The following CTNNA2 variants were observed in gnomAD, a reference collection of about 807,000 sequenced individuals.
CTNNA2 encodes catenin alpha-2.
CTNNA2 carries 42 observed loss-of-function variants against 101.0 expected under a neutral mutation model. That is an observed-to-expected ratio of 0.42 (90% CI 0.32 to 0.54). The LOEUF is 0.54. CTNNA2 is among the 20% of genes least tolerant of loss of function. The probability of loss-of-function intolerance (pLI) is 0.14; values close to 1 mark genes in which losing one functional copy is unlikely to be tolerated. For missense variants in CTNNA2, 871 were observed against 1,223.1 expected (o/e 0.71, Z 4.29); for synonymous variants, 450 against 456.4 (o/e 0.99, Z 0.18).
At chr2:80,646,882 C>T (rs956322641) in intron 18 of CTNNA2, among the ~76,000 whole-genome samples, 13 of 152,000 alleles carry the variant, frequency 8.6e-5, no homozygotes, top group African/African-American at 2.4e-4. Context: ...CTCTCTCATT[C>T]TAAAAGGGCA....
chr2:80,611,242 GA>G (rs1698445563), intron 17 of CTNNA2, among the ~76,000 whole-genome samples: 1 of 150,982 alleles, frequency 6.6e-6, no homozygotes, highest in Admixed American at 6.6e-5. Context: ...ATGTTTGCTT[GA>G]ATTCTTAAGC....
intron 4 of CTNNA2, among the ~76,000 whole-genome samples, chr2:79,470,754 G>A (rs1426735221): frequency 6.6e-6 from 1 of 152,154 alleles, no homozygotes; most frequent in Non-Finnish European, 1.5e-5. Context: ...TAATTGAGTT[G>A]CAGATATTTC....
chr2:79,427,499 T>A (rs1428792028), intron 4 of CTNNA2, among the ~76,000 whole-genome samples: 2 of 152,086 alleles, frequency 1.3e-5, no homozygotes, highest in Non-Finnish European at 2.9e-5. Context: ...TCTACTCTAT[T>A]CATGTATTTA....
At chr2:80,321,753 G>A (rs1169316924) in intron 7 of CTNNA2, among the ~76,000 whole-genome samples, 1 of 152,170 alleles carries the variant, frequency 6.6e-6, no homozygotes, top group Non-Finnish European at 1.5e-5. Context: ...GGGCTCTGAT[G>A]AATGAGAAAT....
At chr2:80,173,404 T>C (rs1477707744) in intron 7 of CTNNA2, among the ~76,000 whole-genome samples, 1 of 152,172 alleles carries the variant, frequency 6.6e-6, no homozygotes, top group Non-Finnish European at 1.5e-5. Flanking sequence ...ACTGTATCAG[T>C]CAGAATCCAG....
intron 2 of CTNNA2, among the ~76,000 whole-genome samples, chr2:79,293,655 T>G (rs912419446): frequency 2.6e-5 from 4 of 152,186 alleles, no homozygotes; most frequent in Admixed American, 1.3e-4. Context: ...AGGCCATTCA[T>G]GTAAATTAAA....
At chr2:79,430,905 C>A (rs1400531052) in intron 4 of CTNNA2, among the ~76,000 whole-genome samples, 1 of 152,036 alleles carries the variant, frequency 6.6e-6, no homozygotes, top group Non-Finnish European at 1.5e-5. Flanking sequence ...CAGGTCTTTG[C>A]ATATTAAAAT....
At chr2:79,718,825 T>A (rs34381760) in intron 2 of CTNNA2, among the ~76,000 whole-genome samples, 1 of 120,402 alleles carries the variant, frequency 8.3e-6, no homozygotes, top group East Asian at 2.3e-4. Flanking sequence ...TTCCCACTTG[T>A]TTTTTTTTTT....
intron 7 of CTNNA2, among the ~76,000 whole-genome samples, chr2:79,950,576 G>T: frequency 6.6e-6 from 1 of 152,318 alleles, no homozygotes; most frequent in African/African-American, 2.4e-5. Flanking sequence ...AATGTTTACT[G>T]ACTGCTTGAT....
chr2:80,305,906 A>T (rs1344507600), intron 7 of CTNNA2, among the ~76,000 whole-genome samples: 1 of 152,200 alleles, frequency 6.6e-6, no homozygotes, highest in African/African-American at 2.4e-5. Context: ...CCACTGTTTG[A>T]ATTCCCATCG....
intron 7 of CTNNA2, among the ~76,000 whole-genome samples, chr2:80,350,981 C>T (rs1673233849): frequency 6.6e-6 from 1 of 152,190 alleles, no homozygotes; most frequent in African/African-American, 2.4e-5. Flanking sequence ...GCTAACACTT[C>T]AGATGACCTA....
chr2:79,412,113 G>A (rs1678419973), intron 4 of CTNNA2, among the ~76,000 whole-genome samples: 1 of 152,028 alleles, frequency 6.6e-6, no homozygotes, highest in South Asian at 2.1e-4. Context: ...TGATAAAACA[G>A]ACTTTAAACC....
intron 4 of CTNNA2, among the ~76,000 whole-genome samples, chr2:79,457,626 T>C (rs1174630896): frequency 6.6e-6 from 1 of 152,142 alleles, no homozygotes; most frequent in African/African-American, 2.4e-5. Flanking sequence ...GTTAGCCTCA[T>C]GGGAGATATC....
At chr2:80,545,116 T>G (rs1419229001) in intron 10 of CTNNA2, 42 bp downstream of exon 10, 7 of 1,586,266 alleles carry the variant, frequency 4.4e-6, no homozygotes, top group African/African-American at 1.3e-5. Context: ...GTCAGTGACC[T>G]TCTCCACTCC....
intron 9 of CTNNA2, among the ~76,000 whole-genome samples, chr2:80,450,640 T>C (rs937498478): frequency 6.6e-6 from 1 of 152,162 alleles, no homozygotes; most frequent in Non-Finnish European, 1.5e-5. Flanking sequence ...AAGCAGAATA[T>C]GATACCTCCT....
intron 9 of CTNNA2, among the ~76,000 whole-genome samples, chr2:80,429,844 A>G (rs1214752587): frequency 6.6e-6 from 1 of 152,170 alleles, no homozygotes; most frequent in Admixed American, 6.5e-5. Flanking sequence ...GCAGACTTTC[A>G]AGCTTGCTTG....
At chr2:80,233,352 G>A (rs1291376785) in intron 7 of CTNNA2, among the ~76,000 whole-genome samples, 4 of 151,902 alleles carry the variant, frequency 2.6e-5, no homozygotes, top group Non-Finnish European at 5.9e-5. Flanking sequence ...GTGTCGATTT[G>A]AGACTCATTT....
chr2:79,940,229 T>C (rs1254692383), intron 7 of CTNNA2, among the ~76,000 whole-genome samples: 2 of 152,174 alleles, frequency 1.3e-5, no homozygotes, highest in African/African-American at 2.4e-5. Context: ...AGCAGGAGCT[T>C]ATAAAATCCA....
intron 3 of CTNNA2, among the ~76,000 whole-genome samples, chr2:79,791,579 A>T (rs1472276976): frequency 6.6e-6 from 1 of 152,174 alleles, no homozygotes; most frequent in African/African-American, 2.4e-5. Context: ...TTTTTATTTT[A>T]TGAAAACATA....
Sources: allele counts gnomAD v4.1 joint callset (sites outside exome capture counted in the v4.1 genomes callset), GRCh38; gene constraint gnomAD v4.1.1; transcripts MANE v1.5; gene names NCBI Gene and HGNC (gene_info 2026-07-23, HGNC 2026-07-21).